USP48: variants seen among roughly 807,000 people sequenced by gnomAD.
USP48 encodes the protein ubiquitin carboxyl-terminal hydrolase 48.
USP48 carries 43 observed loss-of-function variants against 150.7 expected under a neutral mutation model. The observed-to-expected ratio is 0.29, with a 90% CI of 0.22 to 0.37. USP48 has a LOEUF of 0.37. Among genes scored for constraint, USP48 ranks in the 10% least tolerant of loss-of-function variants. USP48 has a pLI of 1.00. For missense variants in USP48, 813 were observed against 1,249.6 expected, an observed-to-expected ratio of 0.65 and a Z score of 5.27; for synonymous variants, 396 against 425.9, an observed-to-expected ratio of 0.93 and a Z score of 0.86.
In USP48 at chr1:21,783,031, G is replaced by A; in HGVS notation, c.-74C>T. The A allele has an allele frequency of 2.1e-6, 3 of 1,418,324 alleles. No homozygotes were observed. Among genetic ancestry groups the A allele is most frequent in the Middle Eastern group, 2.6e-4 (1 of 3,868 alleles). 87.9% of individuals were successfully genotyped at this position (1,418,324 alleles called of 1,614,324 possible). Reference sequence around the variant, plus strand: ...CCGCGGTCTGCACCGCCGCCCCAATGGGCTTCGCCACCTGCCAGCAAGGAG... The same window carrying A: ...CCGCGGTCTGCACCGCCGCCCCAATAGGCTTCGCCACCTGCCAGCAAGGAG... On this transcript the variant is annotated 5_prime_UTR_variant, in exon 1 of 27. Coordinates refer to ENST00000308271, the MANE Select transcript of USP48 (RefSeq NM_032236.8).
chr1:21,692,688 A>G (rs1440469666), intron 23 of USP48, among the ~76,000 whole-genome samples: 3 of 152,182 alleles, frequency 2.0e-5, no homozygotes, highest in Non-Finnish European at 4.4e-5. Flanking sequence ...ATCCCGCCCT[A>G]GAGGGGTTTC....
Position 21,782,949 on chromosome 1 carries a change from CG to C in USP48, c.8del (p.Pro3ArgfsTer62). MA[P>X]RLQLEKAAWR... The stretch of plus-strand genomic sequence containing the variant: ...AGGCCGCCTTCTCCAGCTGCAGCCG[CG>C]GGGCCATGGCCTTGGCCCCAGGAAC... On this transcript the variant is annotated frameshift_variant, in exon 1 of 27. Transcript: ENST00000308271. LOFTEE classifies it high-confidence loss of function. 1.3e-6 allele frequency: 2 copies of C among 1,544,616 alleles called. No individual in the cohort carries two copies. The highest frequency in any genetic ancestry group is 1.7e-6 in the Non-Finnish European group (2 of 1,147,596).
intron 15 of USP48, among the ~76,000 whole-genome samples, chr1:21,708,901 A>G (rs1159805320): frequency 5.0e-5 from 3 of 59,728 alleles, no homozygotes; most frequent in African/African-American, 1.2e-4. Flanking sequence ...AAAAAAAAAA[A>G]AGAAAGAAAA....
intron 1 of USP48, among the ~76,000 whole-genome samples, chr1:21,763,507 A>G (rs1241134575): frequency 6.6e-6 from 1 of 152,226 alleles, no homozygotes; most frequent in Non-Finnish European, 1.5e-5. Flanking sequence ...AGAGGTAAAG[A>G]ATCTACTTAA....
At chr1:21,681,463 C>T (rs188496733) in intron 25 of USP48, among the ~76,000 whole-genome samples, 7 of 152,024 alleles carry the variant, frequency 4.6e-5, no homozygotes, top group South Asian at 2.1e-4. Context: ...GGTTTCACCA[C>T]GTTGGCCAGG....
chr1:21,727,297 T>C (rs1468142755), intron 11 of USP48, among the ~76,000 whole-genome samples: 1 of 152,084 alleles, frequency 6.6e-6, no homozygotes, highest in Non-Finnish European at 1.5e-5. Context: ...TTACTGCAAA[T>C]GGAAAAGAAT....
intron 1 of USP48, among the ~76,000 whole-genome samples, chr1:21,765,842 T>C (rs1557601673): frequency 7.2e-6 from 1 of 139,040 alleles, no homozygotes; most frequent in Non-Finnish European, 1.5e-5. Flanking sequence ...AAGCCGAGGT[T>C]GCAGTTAGCC....
intron 25 of USP48, 29 bp from the exon 26 acceptor site, chr1:21,680,863 A>G (rs1571655931): frequency 6.4e-7 from 1 of 1,558,146 alleles, no homozygotes; most frequent in Non-Finnish European, 8.7e-7. Context: ...GAAGAATTCC[A>G]AATTGAAAAG....
At chr1:21,737,464 A>G (rs756193930) in intron 8 of USP48, among the ~76,000 whole-genome samples, 1 of 152,226 alleles carries the variant, frequency 6.6e-6, no homozygotes, top group Non-Finnish European at 1.5e-5. Flanking sequence ...ACGGTATTCA[A>G]AAAGAAAAGG....
intron 9 of USP48, among the ~76,000 whole-genome samples, chr1:21,731,231 C>G (rs1349605550): frequency 6.6e-6 from 1 of 152,074 alleles, no homozygotes; most frequent in African/African-American, 2.4e-5. Context: ...ACAAATAAAT[C>G]TAGACTTAAT....
At chr1:21,705,589 A>C (rs2097670012) in intron 19 of USP48, 138 bp downstream of exon 19, 1 of 621,236 alleles carries the variant, frequency 1.6e-6, no homozygotes, top group Non-Finnish European at 2.6e-6. Flanking sequence ...TAAAAGGGGA[A>C]AAAAAAACCC....
chr1:21,697,641 C>T (rs1485900288), intron 22 of USP48, among the ~76,000 whole-genome samples: 1 of 128,890 alleles, frequency 7.8e-6, no homozygotes, highest in Admixed American at 8.6e-5. Context: ...CCAGCCTGGG[C>T]AACAGGGCAA....
At position 21,679,236 on chromosome 1, in the gene USP48, C is replaced by A; in HGVS notation, c.*181G>T. ...CATTTCCTTCAAGTCTGATGTCCAT[C>A]AGTGCAATCTGCTTTATTTGACATA... On this transcript the variant is annotated 3_prime_UTR_variant, in exon 27 of 27. Transcript: ENST00000308271. 2.2e-6 allele frequency: 1 copy of A among 464,138 alleles called. No individual in the cohort carries two copies. The highest frequency in any genetic ancestry group is 3.9e-6 in the Non-Finnish European group (1 of 253,256). The allele number at this position is 464,138 out of a possible 1,614,324, so 28.8% of individuals were successfully genotyped here. A position where few individuals can be genotyped will look rare whatever the true frequency, so the allele number is the denominator to read the frequency against.
intron 8 of USP48, among the ~76,000 whole-genome samples, chr1:21,743,090 A>G (rs1425916619): frequency 6.6e-6 from 1 of 152,144 alleles, no homozygotes; most frequent in Non-Finnish European, 1.5e-5. Flanking sequence ...TAAATATATC[A>G]ATAACTGAGA....
Position 21,706,653 on chromosome 1 carries a change from A to AC in USP48, c.2089-65dup, listed in dbSNP as rs1287064228. On this transcript the variant is annotated intron_variant, in intron 16 of 26. Coordinates refer to ENST00000308271, the MANE Select transcript of USP48 (RefSeq NM_032236.8). ...AGCACATGACCTGCCTCCTCCCTAC[A>AC]CCCCCGTCAGAAGTACAGTGTTAAT... 3 of 1,612,104 alleles carry AC rather than the reference A, an allele frequency of 1.9e-6. No homozygotes were observed. In the African/African-American group the frequency reaches 4.0e-5, roughly 22 times the overall value.
At chr1:21,716,882 G>C (rs2097705864) in intron 14 of USP48, among the ~76,000 whole-genome samples, 1 of 152,106 alleles carries the variant, frequency 6.6e-6, no homozygotes, top group Non-Finnish European at 1.5e-5. Flanking sequence ...CAAAAAATTA[G>C]CCAGGCATGG....
chr1:21,724,105 C>T lies in USP48; in HGVS notation c.1451-10G>A, dbSNP rs2097729551. 6.2e-7 allele frequency: 1 copy of T among 1,613,584 alleles called. No individual in the cohort carries two copies. Among genetic ancestry groups the T allele is most frequent in the African/African-American group, 1.3e-5 (1 of 74,912 alleles). ...ACAAACTCATAGGGCTCTGAGAAAGCAAGCATCGGAAAGAGCCTATGTATT... is the reference window on the plus strand; with the variant it reads ...ACAAACTCATAGGGCTCTGAGAAAGTAAGCATCGGAAAGAGCCTATGTATT... On this transcript the variant is annotated splice_polypyrimidine_tract_variant and intron_variant, in intron 11 of 26. Transcript: ENST00000308271.
intron 21 of USP48, among the ~76,000 whole-genome samples, chr1:21,703,082 T>C (rs1049531358): frequency 6.6e-6 from 1 of 152,194 alleles, no homozygotes; most frequent in South Asian, 2.1e-4. Flanking sequence ...CCAAGACGCC[T>C]CTCCTGTCTA....
chr1:21,782,316 A>C (rs2152666574), intron 1 of USP48, among the ~76,000 whole-genome samples: 1 of 152,214 alleles, frequency 6.6e-6, no homozygotes, highest in South Asian at 2.1e-4. Flanking sequence ...AGGCTTAAAA[A>C]AAATACTAGA....
Sources: gnomAD v4.1 joint callset for allele counts (sites outside exome capture counted in the v4.1 genomes callset) on GRCh38, gnomAD v4.1.1 for gene constraint, MANE v1.5 for transcripts, NCBI Gene and HGNC (gene_info 2026-07-23, HGNC 2026-07-21) for gene names.